FBXL13: variants seen among roughly 807,000 people sequenced by gnomAD.
FBXL13 encodes F-box and leucine rich repeat protein 13.
Under a neutral mutation model 83.6 loss-of-function variants are expected in FBXL13, and 67 were observed. The observed-to-expected ratio is 0.80, with a 90% CI of 0.66 to 0.98. The LOEUF (loss-of-function observed/expected upper bound fraction) is 0.98. FBXL13 is among the 50% of genes least tolerant of loss of function. The pLI is 0.00. For synonymous variants in FBXL13, 272 were observed against 299.5 expected (o/e 0.91, Z 0.95); for missense variants, 822 against 866.5 (o/e 0.95, Z 0.64).
intron 11 of FBXL13, among the ~76,000 whole-genome samples, chr7:102,901,586 C>T (rs55766360): frequency 0.014 from 2,113 of 152,194 alleles, 43 homozygotes; most frequent in African/African-American, 0.048. Context: ...GGTAATCATC[C>T]TTCTACTCTC....
intron 6 of FBXL13, among the ~76,000 whole-genome samples, chr7:102,999,237 T>G (rs888492501): frequency 6.6e-6 from 1 of 152,218 alleles, no homozygotes. Flanking sequence ...TATTTGTGTA[T>G]GTTGAACCAT....
In FBXL13 at chr7:102,924,642, T is replaced by TC. The variant is rs1027636329; in HGVS notation, c.878+1631_878+1632insG. 1.8e-3 allele frequency among the ~76,000 whole-genome samples: 66 copies of TC among 36,662 alleles called. 1 individual carries two copies. The highest frequency in any genetic ancestry group is 6.6e-3 in the Non-Finnish European group (56 of 8,472). The allele number at this position is 36,662 out of a possible 152,430, so 24.1% of individuals were successfully genotyped here. A position where few individuals can be genotyped will look rare whatever the true frequency, so the allele number is the denominator to read the frequency against. ...CGAGAATTTTCTGTGTAAGCTTTTC[T>TC]TTTTTTTTTTTTTTTTTGAGATGGG... On this transcript the variant is annotated intron_variant, in intron 10 of 19. Transcript: ENST00000313221.
intron 10 of FBXL13, among the ~76,000 whole-genome samples, chr7:102,920,838 A>T (rs1205836797): frequency 6.6e-6 from 1 of 152,222 alleles, no homozygotes. Flanking sequence ...AAGAAAACAA[A>T]GGTTAACTAT....
chr7:103,052,826 G>A (rs567886005), intron 2 of FBXL13, among the ~76,000 whole-genome samples: 166 of 149,048 alleles, frequency 1.1e-3, no homozygotes, highest in Non-Finnish European at 1.4e-3. Context: ...GCACGATCTC[G>A]GCTCACTGCA....
chr7:102,984,503 T>C (rs1292332962), intron 6 of FBXL13, among the ~76,000 whole-genome samples: 2 of 152,174 alleles, frequency 1.3e-5, no homozygotes. Flanking sequence ...AGAGAGCTGG[T>C]GGTATAGTTC....
At position 102,995,478 on chromosome 7, in the gene FBXL13, C is replaced by CAAAAAAA. The variant is rs1158263069; in HGVS notation, c.496-27368_496-27362dup. On this transcript the variant is annotated intron_variant, in intron 6 of 19. Coordinates refer to ENST00000313221, the Ensembl canonical transcript of FBXL13. ...CCTGGATGACAGCGAGACTCCATCT[C>CAAAAAAA]AAAAAAAAAAAAAAAAAAAAAAAAA... Among the ~76,000 whole-genome samples the CAAAAAAA allele has an allele frequency of 2.0e-3, 58 of 28,600 alleles. 1 individual carries two copies. The highest frequency in any genetic ancestry group is 8.7e-3 in the African/African-American group (53 of 6,118). The allele number at this position is 28,600 out of a possible 152,430, so 18.8% of individuals were successfully genotyped here.
chr7:102,927,207 A>C (rs1204498969), intron 9 of FBXL13, among the ~76,000 whole-genome samples: 1 of 152,252 alleles, frequency 6.6e-6, no homozygotes, highest in Non-Finnish European at 1.5e-5. Context: ...TACAACGAGT[A>C]GCAGCAGGTT....
chr7:102,887,345 T>C (rs181112011), intron 11 of FBXL13, among the ~76,000 whole-genome samples: 1 of 152,160 alleles, frequency 6.6e-6, no homozygotes, highest in African/African-American at 2.4e-5. Context: ...AAACAAAGTA[T>C]ATCAGTCAGG....
At chr7:102,964,840 AAGAT>A (rs1162103668) in intron 7 of FBXL13, among the ~76,000 whole-genome samples, 1 of 152,232 alleles carries the variant, frequency 6.6e-6, no homozygotes, top group Non-Finnish European at 1.5e-5. Context: ...TTATTAACGA[AAGAT>A]AGGAAACAAC....
intron 2 of FBXL13, among the ~76,000 whole-genome samples, chr7:103,044,727 G>A (rs1331683810): frequency 1.3e-5 from 2 of 152,136 alleles, no homozygotes; most frequent in Non-Finnish European, 2.9e-5. Flanking sequence ...TTCTCTTGTA[G>A]TTAGAAGGCC....
chr7:102,857,051 T>C (rs1806140347), intron 16 of FBXL13, among the ~76,000 whole-genome samples: 1 of 151,968 alleles, frequency 6.6e-6, no homozygotes, highest in African/African-American at 2.4e-5. Flanking sequence ...AGAATGAAAC[T>C]AGACTCCTGT....
chr7:102,994,327 A>G (rs1270589391), intron 6 of FBXL13, among the ~76,000 whole-genome samples: 2 of 151,870 alleles, frequency 1.3e-5, no homozygotes, highest in Non-Finnish European at 2.9e-5. Flanking sequence ...TTGTTTTTTT[A>G]AGGACAGGAC....
intron 6 of FBXL13, chr7:102,978,521 G>A (rs117274931): frequency 0.024 from 3,711 of 154,768 alleles, 69 homozygotes; most frequent in Non-Finnish European, 0.036. Flanking sequence ...GGCCATCCAG[G>A]TACCACATAG....
At chr7:102,822,557 C>A in intron 18 of FBXL13, 1 of 431,120 alleles carries the variant, frequency 2.3e-6, no homozygotes, top group Non-Finnish European at 4.6e-6. Context: ...TCCCAAAGGC[C>A]CCACTTTCTA....
At chr7:102,930,776 T>C (rs1819020580) in intron 9 of FBXL13, among the ~76,000 whole-genome samples, 2 of 152,182 alleles carry the variant, frequency 1.3e-5, no homozygotes, top group Non-Finnish European at 2.9e-5. Flanking sequence ...GTTGATCTTA[T>C]TCACGCTTAT....
At chr7:102,995,838 A>T (rs2129485047) in intron 6 of FBXL13, among the ~76,000 whole-genome samples, 1 of 148,726 alleles carries the variant, frequency 6.7e-6, no homozygotes. Context: ...CATAAACCAT[A>T]ACACCATACA....
chr7:102,868,610 G>C (rs962436978), intron 16 of FBXL13, among the ~76,000 whole-genome samples: 1 of 152,142 alleles, frequency 6.6e-6, no homozygotes, highest in African/African-American at 2.4e-5. Flanking sequence ...GTGCACACGG[G>C]AGTACAGATA....
chr7:102,956,269 C>A (rs533181487), intron 8 of FBXL13, among the ~76,000 whole-genome samples: 3 of 152,236 alleles, frequency 2.0e-5, no homozygotes, highest in Admixed American at 6.5e-5. Context: ...ATAAACAGAA[C>A]CAACAACAAA....
At chr7:103,048,702 C>A (rs182872386) in intron 2 of FBXL13, among the ~76,000 whole-genome samples, 1 of 152,278 alleles carries the variant, frequency 6.6e-6, no homozygotes, top group African/African-American at 2.4e-5. Context: ...GTTCAATTTA[C>A]AGAAAAACTG....
Sources: allele counts gnomAD v4.1 joint callset (sites outside exome capture counted in the v4.1 genomes callset), GRCh38; gene constraint gnomAD v4.1.1; transcripts MANE v1.5; gene names NCBI Gene and HGNC (gene_info 2026-07-23, HGNC 2026-07-21).